Variants in SLC26A7 observed in about 807,000 individuals in gnomAD.
SLC26A7 encodes solute carrier family 26 member 7, also known as anion exchange transporter.
A neutral mutation model predicts 82.5 loss-of-function variants in SLC26A7; 59 were observed. That is an observed-to-expected ratio of 0.72 (90% CI 0.58 to 0.89). The LOEUF (loss-of-function observed/expected upper bound fraction) is 0.89. Ranked by LOEUF, SLC26A7 falls within the 40% of genes least tolerant of loss-of-function variation. The probability of loss-of-function intolerance (pLI) is 0.00; values close to 1 mark genes in which losing one functional copy is unlikely to be tolerated. For synonymous variants in SLC26A7, 271 were observed against 274.3 expected, an observed-to-expected ratio of 0.99 and a Z score of 0.12; for missense variants, 820 against 793.0, an observed-to-expected ratio of 1.03 and a Z score of -0.41.
chr8:91,313,569 C>T (rs536629378), intron 4 of SLC26A7, among the ~76,000 whole-genome samples: 1 of 152,152 alleles, frequency 6.6e-6, no homozygotes, highest in African/African-American at 2.4e-5. Context: ...ACACAGGGCT[C>T]TTTAACATTT....
In SLC26A7 at chr8:91,257,935, C is replaced by T. The variant is rs141328771; in HGVS notation, c.193+8091C>T. ...GGCCTCGGGAAACTTACAATCATGG[C>T]GGAAGGTGCCTCTTCACAGGGTGGC... On this transcript the variant is annotated intron_variant, in intron 2 of 18. Transcript: ENST00000276609. Among the ~76,000 whole-genome samples the T allele has an allele frequency of 4.8e-3, 730 of 152,142 alleles. 6 individuals are homozygous for T. Among genetic ancestry groups the T allele is most frequent in the African/African-American group, 0.016 (671 of 41,520 alleles).
intron 2 of SLC26A7, among the ~76,000 whole-genome samples, chr8:91,228,963 A>G (rs1004206175): frequency 2.6e-5 from 4 of 152,244 alleles, no homozygotes; most frequent in Admixed American, 1.3e-4. Flanking sequence ...GTGCTCATCC[A>G]ACAAATATTT....
intron 3 of SLC26A7, 21 bp from the exon 4 acceptor site, chr8:91,295,510 C>G (rs1403556267): frequency 6.2e-7 from 1 of 1,601,948 alleles, no homozygotes; most frequent in Admixed American, 1.7e-5. Context: ...ATAGAAGATT[C>G]CCCACACCAC....
chr8:91,356,489 G>A (rs1306844166), intron 11 of SLC26A7, among the ~76,000 whole-genome samples: 3 of 152,136 alleles, frequency 2.0e-5, no homozygotes, highest in Non-Finnish European at 4.4e-5. Flanking sequence ...GTGATGATGA[G>A]CATTTTTTCA....
At chr8:91,238,528 G>T (rs530244115) in intron 2 of SLC26A7, among the ~76,000 whole-genome samples, 1 of 148,794 alleles carries the variant, frequency 6.7e-6, no homozygotes, top group African/African-American at 2.5e-5. Context: ...CATGAGAAAG[G>T]TTTTATATAT....
At chr8:91,324,722 A>G (rs2130817338) in intron 5 of SLC26A7, among the ~76,000 whole-genome samples, 1 of 152,308 alleles carries the variant, frequency 6.6e-6, no homozygotes, top group South Asian at 2.1e-4. Flanking sequence ...GTAATCTCAG[A>G]TAGTGTTAAT....
chr8:91,290,358 C>G (rs1811831195), intron 3 of SLC26A7, among the ~76,000 whole-genome samples: 1 of 152,102 alleles, frequency 6.6e-6, no homozygotes, highest in African/African-American at 2.4e-5. Flanking sequence ...AGTTCTGCAG[C>G]TCAGAAGTCT....
intron 2 of SLC26A7, among the ~76,000 whole-genome samples, chr8:91,260,330 A>G (rs760545785): frequency 1.3e-5 from 2 of 151,760 alleles, no homozygotes; most frequent in Admixed American, 6.6e-5. Context: ...CATGGGACAA[A>G]CCACCACCGT....
At chr8:91,376,085 A>T (rs1586469220) in intron 15 of SLC26A7, among the ~76,000 whole-genome samples, 1 of 152,016 alleles carries the variant, frequency 6.6e-6, no homozygotes, top group African/African-American at 2.4e-5. Context: ...TAGGTGTTCT[A>T]TTTGGCTTTT....
intron 4 of SLC26A7, among the ~76,000 whole-genome samples, chr8:91,296,805 C>T (rs1377251048): frequency 1.3e-5 from 2 of 152,084 alleles, no homozygotes; most frequent in Non-Finnish European, 2.9e-5. Context: ...AATTAGTTGC[C>T]TGGGTACCCT....
chr8:91,226,107 C>T (rs1810235986), intron 2 of SLC26A7, among the ~76,000 whole-genome samples: 1 of 152,168 alleles, frequency 6.6e-6, no homozygotes, highest in South Asian at 2.1e-4. Context: ...TTTTCTTTAT[C>T]AAATGAATCT....
At chr8:91,360,061 A>T (rs955698185) in intron 11 of SLC26A7, among the ~76,000 whole-genome samples, 1 of 152,172 alleles carries the variant, frequency 6.6e-6, no homozygotes, top group Non-Finnish European at 1.5e-5. Context: ...GTAATGAGAA[A>T]ATAGGGGTCC....
intron 2 of SLC26A7, among the ~76,000 whole-genome samples, chr8:91,271,756 G>A (rs1223549500): frequency 3.9e-5 from 6 of 152,036 alleles, no homozygotes; most frequent in Non-Finnish European, 7.4e-5. Flanking sequence ...CACCATGCCC[G>A]GCTAATTTTT....
At chr8:91,313,697 G>C (rs146530444) in intron 4 of SLC26A7, among the ~76,000 whole-genome samples, 3 of 152,000 alleles carry the variant, frequency 2.0e-5, no homozygotes, top group Non-Finnish European at 4.4e-5. Flanking sequence ...CTCTTTACAC[G>C]ATCATTTAGG....
intron 2 of SLC26A7, among the ~76,000 whole-genome samples, chr8:91,284,348 A>C (rs928307721): frequency 6.6e-6 from 1 of 152,154 alleles, no homozygotes; most frequent in East Asian, 1.9e-4. Context: ...GTTTTACATG[A>C]GCTAGTCAGC....
At chr8:91,266,043 T>C (rs1351731940) in intron 2 of SLC26A7, among the ~76,000 whole-genome samples, 1 of 151,832 alleles carries the variant, frequency 6.6e-6, no homozygotes, top group Non-Finnish European at 1.5e-5. Flanking sequence ...TTATTTATGA[T>C]TTTTTTTAGT....
chr8:91,364,897 T>G (rs932091930), intron 13 of SLC26A7, among the ~76,000 whole-genome samples: 2 of 152,180 alleles, frequency 1.3e-5, no homozygotes, highest in Non-Finnish European at 2.9e-5. Flanking sequence ...ACTATAATAT[T>G]ACATCTCTCT....
At chr8:91,336,614 C>T (rs1813251290) in intron 6 of SLC26A7, among the ~76,000 whole-genome samples, 1 of 152,062 alleles carries the variant, frequency 6.6e-6, no homozygotes, top group Non-Finnish European at 1.5e-5. Context: ...ACTAGTCACA[C>T]CTGGGGTGCA....
intron 2 of SLC26A7, among the ~76,000 whole-genome samples, chr8:91,241,456 TA>T (rs1810473311): frequency 6.6e-6 from 1 of 152,174 alleles, no homozygotes; most frequent in African/African-American, 2.4e-5. Context: ...GATTATTTAA[TA>T]ATCAGAAAAA....
Sources: allele counts gnomAD v4.1 joint callset (sites outside exome capture counted in the v4.1 genomes callset), GRCh38; gene constraint gnomAD v4.1.1; transcripts MANE v1.5; gene names NCBI Gene and HGNC (gene_info 2026-07-23, HGNC 2026-07-21).